PTPRK: variants seen among roughly 807,000 people sequenced by gnomAD.
The protein encoded by PTPRK is protein tyrosine phosphatase receptor type K.
In PTPRK, 75 loss-of-function variants were observed where a neutral mutation model predicts 178.0. The observed-to-expected ratio is 0.42, with a 90% CI of 0.35 to 0.51. PTPRK has a LOEUF of 0.51. Ranked by LOEUF, PTPRK falls within the 20% of genes least tolerant of loss-of-function variation. The pLI is 0.02. For synonymous variants in PTPRK, 637 were observed against 620.6 expected (o/e 1.03, Z -0.39); for missense variants, 1,441 against 1,797.8 (o/e 0.80, Z 3.59).
intron 1 of PTPRK, among the ~76,000 whole-genome samples, chr6:128,464,660 T>TATACAC (rs1849608514): frequency 2.7e-5 from 3 of 109,458 alleles, no homozygotes; most frequent in Non-Finnish European, 5.5e-5. Flanking sequence ...TATATATATA[T>TATACAC]ATATATATAT....
chr6:128,155,036 T>A (rs914584578), intron 7 of PTPRK, among the ~76,000 whole-genome samples: 8 of 151,768 alleles, frequency 5.3e-5, no homozygotes, highest in Non-Finnish European at 1.2e-4. Flanking sequence ...ACTTGGGTGA[T>A]TAAAGAAACC....
chr6:128,519,247 G>A lies in PTPRK; in HGVS notation c.100+1012C>T. ...TGGTGAAACTTCAGAGCCCCCAGAG[G>A]AGAGAACGAAAGAAGCAACCAACCT... On this transcript the variant is annotated intron_variant, in intron 1 of 29. Coordinates refer to ENST00000368226, the MANE Select transcript of PTPRK (RefSeq NM_002844.4). This position sits in a 1 kb window ranked among gnomAD's most constrained non-coding sequence, Gnocchi z 4.3. 2.5e-6 allele frequency: 1 copy of A among 395,638 alleles called. No homozygotes were observed. The highest frequency in any genetic ancestry group is 7.2e-5 in the East Asian group (1 of 13,838). 24.5% of individuals were successfully genotyped at this position (395,638 alleles called of 1,614,324 possible). A position where few individuals can be genotyped will look rare whatever the true frequency, so the allele number is the denominator to read the frequency against.
chr6:128,495,712 G>A (rs1854554629), intron 1 of PTPRK, among the ~76,000 whole-genome samples: 1 of 152,126 alleles, frequency 6.6e-6, no homozygotes, highest in South Asian at 2.1e-4. Flanking sequence ...CGATACTTAT[G>A]AAAATTTGAT....
chr6:128,233,603 G>A (rs539078823), intron 5 of PTPRK, among the ~76,000 whole-genome samples: 2 of 152,250 alleles, frequency 1.3e-5, no homozygotes, highest in South Asian at 4.1e-4. Flanking sequence ...CATTTCCTTT[G>A]GCTGAGCAAC....
intron 1 of PTPRK, 86 bp downstream of exon 1, chr6:128,520,173 T>TG: frequency 8.3e-7 from 1 of 1,198,400 alleles, no homozygotes; most frequent in Non-Finnish European, 1.2e-6. Context: ...CCACGATCCT[T>TG]GTCCCCAGCC....
intron 3 of PTPRK, among the ~76,000 whole-genome samples, chr6:128,311,983 A>G (rs1477012442): frequency 6.6e-6 from 1 of 152,228 alleles, no homozygotes; most frequent in Non-Finnish European, 1.5e-5. Flanking sequence ...TTCAGAAGGA[A>G]GACCCAAAGA....
At chr6:128,258,272 A>G (rs1282815928) in intron 3 of PTPRK, among the ~76,000 whole-genome samples, 2 of 152,180 alleles carry the variant, frequency 1.3e-5, no homozygotes, top group African/African-American at 2.4e-5. Context: ...AGACCAAAAT[A>G]TAATGTTAAA....
At chr6:128,416,334 A>G (rs1229291527) in intron 1 of PTPRK, among the ~76,000 whole-genome samples, 1 of 151,910 alleles carries the variant, frequency 6.6e-6, no homozygotes, top group African/African-American at 2.4e-5. Flanking sequence ...TTGAAGGTGG[A>G]ATACTAAGAT....
intron 7 of PTPRK, among the ~76,000 whole-genome samples, chr6:128,103,674 T>C (rs976362134): frequency 6.6e-6 from 1 of 152,138 alleles, no homozygotes; most frequent in Non-Finnish European, 1.5e-5. Context: ...ATTCTTTTTT[T>C]CCCCCTGCAT....
chr6:128,315,428 T>G (rs1827862348), intron 3 of PTPRK, among the ~76,000 whole-genome samples: 1 of 152,122 alleles, frequency 6.6e-6, no homozygotes, highest in Non-Finnish European at 1.5e-5. Context: ...AAGAATCTAA[T>G]TCTCATAAGG....
chr6:128,162,393 C>CT, intron 7 of PTPRK, among the ~76,000 whole-genome samples: 1 of 151,738 alleles, frequency 6.6e-6, no homozygotes, highest in Middle Eastern at 3.4e-3. Context: ...TGAGAGGACA[C>CT]TGACCTCTTT....
At chr6:128,177,548 A>T (rs1050963028) in intron 7 of PTPRK, among the ~76,000 whole-genome samples, 2 of 151,848 alleles carry the variant, frequency 1.3e-5, no homozygotes, top group African/African-American at 4.8e-5. Flanking sequence ...TCTTTCACCA[A>T]CTAGTCAGTC....
intron 7 of PTPRK, among the ~76,000 whole-genome samples, chr6:128,103,617 G>A (rs1482364476): frequency 6.6e-6 from 1 of 152,118 alleles, no homozygotes; most frequent in Non-Finnish European, 1.5e-5. Flanking sequence ...AGGGGTCACA[G>A]AACTCTCCCA....
At chr6:128,129,059 A>G (rs1158521890) in intron 7 of PTPRK, among the ~76,000 whole-genome samples, 2 of 152,218 alleles carry the variant, frequency 1.3e-5, no homozygotes, top group African/African-American at 2.4e-5. Flanking sequence ...GCTTATGTGA[A>G]CCACGATTTG....
chr6:128,258,613 A>C (rs758680288), intron 3 of PTPRK, among the ~76,000 whole-genome samples: 9 of 152,252 alleles, frequency 5.9e-5, no homozygotes, highest in Non-Finnish European at 1.2e-4. Context: ...TGATGTCTTC[A>C]TGGAAAACAG....
intron 7 of PTPRK, among the ~76,000 whole-genome samples, chr6:128,137,043 C>T (rs1795115907): frequency 6.6e-6 from 1 of 152,140 alleles, no homozygotes; most frequent in African/African-American, 2.4e-5. Context: ...ATCTGTTTTG[C>T]TTGTAGGGTT....
At chr6:128,364,384 T>C (rs1835193307) in intron 2 of PTPRK, among the ~76,000 whole-genome samples, 1 of 152,092 alleles carries the variant, frequency 6.6e-6, no homozygotes, top group Non-Finnish European at 1.5e-5. Context: ...CTACCTAAAC[T>C]TGCCAGTTAG....
intron 6 of PTPRK, among the ~76,000 whole-genome samples, chr6:128,190,748 C>T (rs576157811): frequency 6.6e-6 from 1 of 152,272 alleles, no homozygotes; most frequent in South Asian, 2.1e-4. Context: ...ATCTGCCCAC[C>T]TCAGCCTCCC....
chr6:128,249,771 A>G (rs965157360), intron 3 of PTPRK, among the ~76,000 whole-genome samples: 2 of 152,184 alleles, frequency 1.3e-5, no homozygotes, highest in Admixed American at 1.3e-4. Context: ...CAAGTTCATC[A>G]TGAGTAGAAC....
Sources: allele counts gnomAD v4.1 joint callset (sites outside exome capture counted in the v4.1 genomes callset), GRCh38; gene constraint gnomAD v4.1.1; non-coding constraint Gnocchi (gnomAD v3.1); transcripts MANE v1.5; gene names NCBI Gene and HGNC (gene_info 2026-07-23, HGNC 2026-07-21).